The following PUS7 variants were observed in gnomAD, a reference collection of about 807,000 sequenced individuals.
PUS7 encodes the protein pseudouridylate synthase 7 homolog.
PUS7 carries 48 observed loss-of-function variants against 79.8 expected under a neutral mutation model. The observed-to-expected ratio is 0.60, with a 90% CI of 0.48 to 0.76. The LOEUF is 0.76. Ranked by LOEUF, PUS7 falls within the 30% of genes least tolerant of loss-of-function variation. PUS7 has a pLI of 0.00. For missense variants in PUS7, 729 were observed against 797.6 expected (o/e 0.91, Z 1.04); for synonymous variants, 286 against 272.2 (o/e 1.05, Z -0.50).
chr7:105,471,584 G>C (rs1823874353), intron 10 of PUS7, among the ~76,000 whole-genome samples: 1 of 152,210 alleles, frequency 6.6e-6, no homozygotes, highest in Non-Finnish European at 1.5e-5. Context: ...GGCTGAGGTG[G>C]GCGGATCACC....
intron 11 of PUS7, among the ~76,000 whole-genome samples, chr7:105,469,441 C>A (rs1332292934): frequency 6.6e-6 from 1 of 152,004 alleles, no homozygotes; most frequent in Non-Finnish European, 1.5e-5. Context: ...TAGGTGCGCA[C>A]CACCATGTCC....
intron 6 of PUS7, among the ~76,000 whole-genome samples, chr7:105,494,402 A>ATTTTT (rs756519297): frequency 1.6e-4 from 14 of 87,800 alleles, no homozygotes; most frequent in East Asian, 4.0e-4. Flanking sequence ...ATGATCAGTG[A>ATTTTT]TTTTTTTTTT....
intron 8 of PUS7, 89 bp downstream of exon 8, chr7:105,482,223 C>T: frequency 1.4e-6 from 2 of 1,456,636 alleles, no homozygotes; most frequent in East Asian, 2.3e-5. Context: ...AGTACCAGCT[C>T]ACCAGGACCT....
intron 5 of PUS7, among the ~76,000 whole-genome samples, chr7:105,501,392 A>G (rs1825241929): frequency 6.6e-6 from 1 of 152,080 alleles, no homozygotes. Flanking sequence ...TCAATTTGGT[A>G]GGTGAAAAAA....
intron 5 of PUS7, chr7:105,495,456 T>A (rs1333972754): frequency 7.6e-6 from 3 of 395,752 alleles, no homozygotes; most frequent in Non-Finnish European, 1.4e-5. Context: ...ATATTAAAAA[T>A]AAAAAGCTAA....
intron 13 of PUS7, among the ~76,000 whole-genome samples, chr7:105,465,085 T>C (rs183223024): frequency 6.6e-5 from 10 of 152,198 alleles, no homozygotes; most frequent in East Asian, 5.8e-4. Context: ...TCCCAAAATG[T>C]TGGGATTGAT....
intron 5 of PUS7, among the ~76,000 whole-genome samples, chr7:105,502,009 T>G (rs1337398399): frequency 6.7e-6 from 1 of 148,296 alleles, no homozygotes; most frequent in Non-Finnish European, 1.5e-5. Context: ...TTGCAAAAAA[T>G]GTGCCACTGG....
chr7:105,505,895 A>G (rs1825434737), intron 4 of PUS7, 60 bp downstream of exon 4: 1 of 1,318,118 alleles, frequency 7.6e-7, no homozygotes, highest in Admixed American at 1.9e-5. Flanking sequence ...AACACTTAAC[A>G]TCCACCCAAA....
At chr7:105,512,248 A>G (rs1344150472) in intron 1 of PUS7, among the ~76,000 whole-genome samples, 1 of 152,094 alleles carries the variant, frequency 6.6e-6, no homozygotes, top group Non-Finnish European at 1.5e-5. Flanking sequence ...CCACAACTGT[A>G]GTTACATAAA....
intron 9 of PUS7, among the ~76,000 whole-genome samples, chr7:105,475,300 C>T (rs981216626): frequency 7.2e-5 from 11 of 152,282 alleles, no homozygotes; most frequent in South Asian, 2.1e-4. Context: ...ATTCTTCTGC[C>T]TCAGCCTCCC....
intron 1 of PUS7, among the ~76,000 whole-genome samples, chr7:105,514,909 A>G (rs1038085780): frequency 2.0e-5 from 3 of 151,130 alleles, no homozygotes; most frequent in Non-Finnish European, 4.4e-5. Context: ...CTCCTGCCTC[A>G]GCCTCCTCCC....
intron 1 of PUS7, among the ~76,000 whole-genome samples, chr7:105,516,234 C>T (rs528225222): frequency 1.3e-5 from 2 of 152,086 alleles, no homozygotes; most frequent in South Asian, 4.1e-4. Flanking sequence ...CATGAGCCAC[C>T]GCACCCGGCC....
At chr7:105,488,629 T>TA (rs1824649621) in intron 7 of PUS7, among the ~76,000 whole-genome samples, 1 of 152,140 alleles carries the variant, frequency 6.6e-6, no homozygotes, top group South Asian at 2.1e-4. Flanking sequence ...AAAAATAGAG[T>TA]AATAGTTTAA....
rs539012007 is a variant in PUS7, at chr7:105,483,549, T to C, written c.921-1109A>G. On this transcript the variant is annotated intron_variant, in intron 7 of 15. Coordinates refer to ENST00000469408, the MANE Select transcript of PUS7 (RefSeq NM_019042.5). Reference sequence around the variant, plus strand: ...CCTGACCTCAGGTGATCCACCCACATTGGCCTCGCACAGTGCTGCGATTAC... The same window carrying C: ...CCTGACCTCAGGTGATCCACCCACACTGGCCTCGCACAGTGCTGCGATTAC... 6.6e-5 allele frequency among the ~76,000 whole-genome samples: 10 copies of C among 152,290 alleles called. No homozygotes were observed. The South Asian group carries it at 1.0e-3, about 16-fold the overall frequency.
rs1176633327 is a variant in PUS7, at chr7:105,475,428, G to GC, written c.1176-3236dup. ...TCTCGATCTCCTGACCTTGTGATCT[G>GC]CCCCCCTTGGCCTCCTGGAGTGCTG... On this transcript the variant is annotated intron_variant, in intron 9 of 15. Coordinates refer to ENST00000469408, the MANE Select transcript of PUS7 (RefSeq NM_019042.5). Among the ~76,000 whole-genome samples, 8 of 151,812 alleles carry GC rather than the reference G, an allele frequency of 5.3e-5. No individual in the cohort carries two copies. In the East Asian group the frequency reaches 1.2e-3, roughly 22 times the overall value.
intron 12 of PUS7, among the ~76,000 whole-genome samples, chr7:105,467,237 C>A (rs1345017009): frequency 5.9e-5 from 9 of 151,336 alleles, no homozygotes; most frequent in Admixed American, 4.0e-4. Context: ...GTCTTGGGAA[C>A]ATTTTGGGCA....
At chr7:105,465,228 A>G in intron 13 of PUS7, 85 bp downstream of exon 13, 1 of 966,990 alleles carries the variant, frequency 1.0e-6, no homozygotes, top group Non-Finnish European at 1.5e-6. Flanking sequence ...GACTGTCATA[A>G]ATAACCAAAG....
At chr7:105,466,034 T>C (rs890446225) in intron 12 of PUS7, among the ~76,000 whole-genome samples, 18 of 151,794 alleles carry the variant, frequency 1.2e-4, no homozygotes, top group South Asian at 6.2e-4. Flanking sequence ...GGCAAACACC[T>C]GTAGTCCCAC....
At position 105,496,324 on chromosome 7, in the gene PUS7, A is replaced by G. The variant is rs191308846; in HGVS notation, c.731-1071T>C. On this transcript the variant is annotated intron_variant, in intron 5 of 15. Transcript: ENST00000469408. Reference sequence around the variant, plus strand: ...AATGTTTTTTTTTAAGTACTTTGGGAAAAATATGTAAGCCTAAACTGCACT... The same window carrying G: ...AATGTTTTTTTTTAAGTACTTTGGGGAAAATATGTAAGCCTAAACTGCACT... Among the ~76,000 whole-genome samples, 473 of 151,238 alleles carry G rather than the reference A, an allele frequency of 3.1e-3. 4 individuals carry two copies. The highest frequency in any genetic ancestry group is 0.011 in the African/African-American group (443 of 41,236).
Sources: allele counts gnomAD v4.1 joint callset (sites outside exome capture counted in the v4.1 genomes callset), GRCh38; gene constraint gnomAD v4.1.1; transcripts MANE v1.5; gene names NCBI Gene and HGNC (gene_info 2026-07-23, HGNC 2026-07-21).